Variants in HDAC9 observed in about 807,000 individuals in gnomAD.
HDAC9 encodes the protein MEF-2 interacting transcription repressor (MITR) protein.
A neutral mutation model predicts 139.4 loss-of-function variants in HDAC9; 41 were observed. That is an observed-to-expected ratio of 0.29 (90% CI 0.23 to 0.38). The LOEUF (loss-of-function observed/expected upper bound fraction) is 0.38, where lower values mean the gene tolerates loss of function less well. Among genes scored for constraint, HDAC9 ranks in the 10% least tolerant of loss-of-function variants. HDAC9 has a pLI of 1.00. For synonymous variants in HDAC9, 517 were observed against 476.2 expected, an observed-to-expected ratio of 1.09 and a Z score of -1.12; for missense variants, 1,147 against 1,297.0, an observed-to-expected ratio of 0.88 and a Z score of 1.78.
At chr7:18,875,712 G>A (rs995239050) in intron 22 of HDAC9, among the ~76,000 whole-genome samples, 2 of 152,134 alleles carry the variant, frequency 1.3e-5, no homozygotes, top group African/African-American at 4.8e-5. Context: ...ATAGAGAGGT[G>A]TTTGCTGAGA....
chr7:18,352,696 A>G (rs191469883), intron 1 of HDAC9, among the ~76,000 whole-genome samples: 211 of 152,190 alleles, frequency 1.4e-3, no homozygotes, highest in Middle Eastern at 6.8e-3. Context: ...AGGGAAAATG[A>G]CGGGAAATAG....
At chr7:18,471,237 A>G (rs1794698944) in intron 1 of HDAC9, among the ~76,000 whole-genome samples, 1 of 152,186 alleles carries the variant, frequency 6.6e-6, no homozygotes, top group Admixed American at 6.6e-5. Context: ...ATATTTGTGT[A>G]ATGAATGAAT....
chr7:18,142,555 C>A (rs1785982312), intron 1 of HDAC9, among the ~76,000 whole-genome samples: 1 of 152,224 alleles, frequency 6.6e-6, no homozygotes, highest in Non-Finnish European at 1.5e-5. Flanking sequence ...TTGTGCCTCC[C>A]TCACCATGCA....
intron 21 of HDAC9, among the ~76,000 whole-genome samples, chr7:18,856,144 T>C (rs779049855): frequency 2.6e-5 from 4 of 152,152 alleles, no homozygotes; most frequent in Admixed American, 1.3e-4. Context: ...AATGCTCTTA[T>C]AATATTTTGG....
intron 12 of HDAC9, among the ~76,000 whole-genome samples, chr7:18,718,666 T>C (rs1395876827): frequency 6.6e-6 from 1 of 152,232 alleles, no homozygotes; most frequent in Non-Finnish European, 1.5e-5. Flanking sequence ...TTTTTATCCA[T>C]TTATCAATTG....
At chr7:18,199,857 G>A (rs1025445427) in intron 2 of HDAC9, among the ~76,000 whole-genome samples, 1 of 151,604 alleles carries the variant, frequency 6.6e-6, no homozygotes, top group Non-Finnish European at 1.5e-5. Flanking sequence ...TGGAGCCCAG[G>A]AATTTGAGGC....
rs1039204784 is a variant in HDAC9, at chr7:19,000,217, C to A, written c.*4155C>A. The A allele has an allele frequency of 5.3e-5, 8 of 152,210 alleles. No homozygotes were observed. Among genetic ancestry groups the A allele is most frequent in the African/African-American group, 1.9e-4 (8 of 41,458 alleles). The allele number at this position is 152,210 out of a possible 1,614,324, so 9.4% of individuals were successfully genotyped here. A position where few individuals can be genotyped will look rare whatever the true frequency, so the allele number is the denominator to read the frequency against. On this transcript the variant is annotated 3_prime_UTR_variant, in exon 26 of 26. Transcript: ENST00000686413. ...GTTTCCAAAGGCCACTATTGTAGTA[C>A]AGTCTCCAGCAGGATTTTGTACCAT...
chr7:18,833,239 C>A (rs1405333152), intron 19 of HDAC9, among the ~76,000 whole-genome samples: 1 of 152,100 alleles, frequency 6.6e-6, no homozygotes, highest in Non-Finnish European at 1.5e-5. Context: ...ATTTCTTACT[C>A]AGAAATTTAT....
At position 18,348,180 on chromosome 7, in the gene HDAC9, A is replaced by G. The variant is rs187409330; in HGVS notation, c.-42+57665A>G. ...ATGAAAAGCACAAGCACCCCAGGTA[A>G]TTCTTATGATCAGGAGAATTTGGGA... On this transcript the variant is annotated intron_variant, in intron 1 of 3. Transcript: ENST00000413509. Among the ~76,000 whole-genome samples the G allele has an allele frequency of 2.6e-5, 4 of 152,292 alleles. No homozygotes were observed. The East Asian group carries it at 7.7e-4, about 29-fold the overall frequency.
At chr7:18,121,939 C>G (rs1411693292) in intron 1 of HDAC9, among the ~76,000 whole-genome samples, 2 of 152,144 alleles carry the variant, frequency 1.3e-5, no homozygotes, top group Non-Finnish European at 2.9e-5. Flanking sequence ...TATGTCATAT[C>G]CAACCTTGAT....
At chr7:18,552,483 A>G (rs1423517983) in intron 2 of HDAC9, among the ~76,000 whole-genome samples, 1 of 152,204 alleles carries the variant, frequency 6.6e-6, no homozygotes, top group Non-Finnish European at 1.5e-5. Flanking sequence ...ACTGCTGAGA[A>G]CAGAGCTGAA....
intron 6 of HDAC9, among the ~76,000 whole-genome samples, chr7:18,606,329 A>G (rs1584014977): frequency 6.6e-6 from 1 of 152,332 alleles, no homozygotes; most frequent in East Asian, 1.9e-4. Context: ...TAAATCTGTA[A>G]AACATTAAAA....
intron 1 of HDAC9, among the ~76,000 whole-genome samples, chr7:18,104,925 C>T (rs558008459): frequency 2.0e-5 from 3 of 152,126 alleles, no homozygotes; most frequent in South Asian, 4.1e-4. Context: ...TCCATTTCCT[C>T]CTTCAGATCA....
At chr7:18,158,363 A>G (rs1787378525) in intron 1 of HDAC9, among the ~76,000 whole-genome samples, 1 of 152,190 alleles carries the variant, frequency 6.6e-6, no homozygotes, top group African/African-American at 2.4e-5. Context: ...AGTTTGATCT[A>G]TTCAATGGCT....
intron 21 of HDAC9, among the ~76,000 whole-genome samples, chr7:18,838,512 T>G (rs1413813034): frequency 3.3e-5 from 5 of 151,976 alleles, no homozygotes; most frequent in African/African-American, 1.2e-4. Flanking sequence ...GAGGTGGGAT[T>G]GGTAGAAAGA....
intron 2 of HDAC9, among the ~76,000 whole-genome samples, chr7:18,194,106 A>T (rs914855021): frequency 6.6e-6 from 1 of 152,218 alleles, no homozygotes; most frequent in Non-Finnish European, 1.5e-5. Flanking sequence ...GTATAAGTAC[A>T]GCCTAATCTT....
At chr7:18,834,002 G>A (rs1163322787) in intron 19 of HDAC9, among the ~76,000 whole-genome samples, 1 of 152,168 alleles carries the variant, frequency 6.6e-6, no homozygotes, top group East Asian at 1.9e-4. Context: ...TCAGTTAACT[G>A]TGTAATTGTT....
chr7:18,264,286 A>G (rs984523062), intron 2 of HDAC9, among the ~76,000 whole-genome samples: 5 of 152,214 alleles, frequency 3.3e-5, no homozygotes, highest in South Asian at 2.1e-4. Context: ...AATAAGTTTC[A>G]GGAAAATTTA....
chr7:18,089,140 G>A (rs983352670), intron 1 of HDAC9, among the ~76,000 whole-genome samples: 1 of 152,128 alleles, frequency 6.6e-6, no homozygotes, highest in Non-Finnish European at 1.5e-5. Flanking sequence ...ACGGTTAGAT[G>A]CACATAAGGT....
Sources: allele counts gnomAD v4.1 joint callset (sites outside exome capture counted in the v4.1 genomes callset), GRCh38; gene constraint gnomAD v4.1.1; transcripts MANE v1.5; gene names NCBI Gene and HGNC (gene_info 2026-07-23, HGNC 2026-07-21).